The following SBF2 variants were observed in gnomAD, a reference collection of about 807,000 sequenced individuals.
SBF2 encodes myotubularin-related protein 13.
A neutral mutation model predicts 225.2 loss-of-function variants in SBF2; 112 were observed. That is an observed-to-expected ratio of 0.50 (90% CI 0.43 to 0.58). SBF2 has a LOEUF of 0.58. SBF2 is among the 20% of genes least tolerant of loss of function. The probability of loss-of-function intolerance (pLI) is 0.00; values close to 1 mark genes in which losing one functional copy is unlikely to be tolerated. For missense variants in SBF2, 1,996 were observed against 2,206.2 expected (o/e 0.90, Z 1.91); for synonymous variants, 763 against 773.3 (o/e 0.99, Z 0.22).
intron 16 of SBF2, among the ~76,000 whole-genome samples, chr11:9,933,079 T>C (rs1249466019): frequency 6.8e-6 from 1 of 146,668 alleles, no homozygotes; most frequent in Non-Finnish European, 1.5e-5. Flanking sequence ...TACATAATGG[T>C]AAACAGATCA....
At chr11:10,128,250 A>C (rs1953855596) in intron 2 of SBF2, among the ~76,000 whole-genome samples, 1 of 152,208 alleles carries the variant, frequency 6.6e-6, no homozygotes. Context: ...ACCTTCACGA[A>C]GTCAGGCATT....
intron 17 of SBF2, among the ~76,000 whole-genome samples, chr11:9,887,446 T>C (rs532919068): frequency 6.6e-6 from 1 of 151,930 alleles, no homozygotes; most frequent in Middle Eastern, 3.4e-3. Context: ...AGCAGTAGGA[T>C]AGAGGAACAG....
rs539130315 is a variant in SBF2, at chr11:10,075,788, T to C, written c.142-32807A>G. On this transcript the variant is annotated intron_variant, in intron 2 of 39. Coordinates refer to ENST00000256190, the MANE Select transcript of SBF2 (RefSeq NM_030962.4). ...ATTACCGGTCTTGGGTAGTTCTTTATAGCAGTGTGAGAACAGACTAACACA... is the reference window on the plus strand; with the variant it reads ...ATTACCGGTCTTGGGTAGTTCTTTACAGCAGTGTGAGAACAGACTAACACA... 1.6e-4 allele frequency among the ~76,000 whole-genome samples: 24 copies of C among 152,292 alleles called. 1 individual carries two copies. In the South Asian group the frequency reaches 4.1e-3, roughly 26 times the overall value.
At chr11:10,223,316 AC>A (rs1958408102) in intron 1 of SBF2, among the ~76,000 whole-genome samples, 2 of 147,348 alleles carry the variant, frequency 1.4e-5, no homozygotes, top group South Asian at 4.3e-4. Context: ...TCTGCACATA[AC>A]TTTTAACTCT....
At chr11:10,181,384 A>T (rs74845337) in intron 2 of SBF2, among the ~76,000 whole-genome samples, 1 of 151,930 alleles carries the variant, frequency 6.6e-6, no homozygotes, top group Admixed American at 6.6e-5. Context: ...CTTACCTAAA[A>T]CTGTCACTTT....
intron 3 of SBF2, among the ~76,000 whole-genome samples, chr11:10,033,663 A>AACACACACACACACAC (rs66939707): frequency 2.0e-5 from 3 of 149,674 alleles, no homozygotes; most frequent in African/African-American, 4.9e-5. Flanking sequence ...GCTGTGATTA[A>AACACACACACACACAC]ACACACACAC....
At position 9,992,485 on chromosome 11, in the gene SBF2, C is replaced by A. The variant is rs1183650459; in HGVS notation, c.1226G>T (p.Ser409Ile). The change falls in exon 12 of 40, where the codon AGT becomes ATT. Residue 409 changes from serine to isoleucine, a missense_variant. By Grantham distance (142) the Ser-to-Ile change is moderately radical. Coordinates refer to ENST00000256190, the MANE Select transcript of SBF2 (RefSeq NM_030962.4). ...VENDFLTKVL[S>I]GMAFAGFVSE... Reference sequence around the variant, plus strand: ...AACAAAACCTGCAAATGCCATTCCACTGAGTACTTTAGTGAGGAAATCATT... The same window carrying A: ...AACAAAACCTGCAAATGCCATTCCAATGAGTACTTTAGTGAGGAAATCATT... 13 of 1,613,284 alleles carry A rather than the reference C, an allele frequency of 8.1e-6. No homozygotes were observed. Among genetic ancestry groups the A allele is most frequent in the Non-Finnish European group, 9.3e-6 (11 of 1,179,578 alleles).
intron 1 of SBF2, among the ~76,000 whole-genome samples, chr11:10,241,050 C>T (rs1959204416): frequency 6.6e-6 from 1 of 152,070 alleles, no homozygotes; most frequent in Non-Finnish European, 1.5e-5. Flanking sequence ...GCTTGAAATG[C>T]ATATACAAGA....
In SBF2 at chr11:10,289,733, G is replaced by A. The variant is rs551183201; in HGVS notation, c.55+4282C>T. 4.6e-5 allele frequency among the ~76,000 whole-genome samples: 7 copies of A among 152,266 alleles called. No individual in the cohort carries two copies. In the South Asian group the frequency reaches 1.0e-3, roughly 23 times the overall value. On this transcript the variant is annotated intron_variant, in intron 1 of 39. Transcript: ENST00000256190. Reference sequence around the variant, plus strand: ...TCGGCAGGGTGGGTGTGGTGACCACGCTGCTGGCTGGGTCCCTGAAGCAGG... The same window carrying A: ...TCGGCAGGGTGGGTGTGGTGACCACACTGCTGGCTGGGTCCCTGAAGCAGG...
At chr11:9,934,244 C>T (rs922341604) in intron 16 of SBF2, among the ~76,000 whole-genome samples, 3 of 152,122 alleles carry the variant, frequency 2.0e-5, no homozygotes, top group African/African-American at 7.2e-5. Context: ...TACACCCTCC[C>T]AAGACTAAAC....
chr11:10,141,151 T>G (rs1455973919), intron 2 of SBF2, among the ~76,000 whole-genome samples: 2 of 152,138 alleles, frequency 1.3e-5, no homozygotes, highest in African/African-American at 4.8e-5. Context: ...AATAAAAGCA[T>G]AGAACCCATG....
In SBF2 at chr11:9,829,788, T is replaced by C. The variant is rs530238858; in HGVS notation, c.3653-292A>G. ...ACAGGGCTACCCTTCCAAGCACAGA[T>C]TGGGCTTGAAAGCACAGGGCATAGC... is the stretch of plus-strand genomic sequence containing the variant. On this transcript the variant is annotated intron_variant, in intron 27 of 39. Coordinates refer to ENST00000256190, the MANE Select transcript of SBF2 (RefSeq NM_030962.4). 15 of 382,516 alleles carry C rather than the reference T, an allele frequency of 3.9e-5. No individual in the cohort carries two copies. In the East Asian group the frequency reaches 4.1e-4, roughly 10 times the overall value. 23.7% of individuals were successfully genotyped at this position (382,516 alleles called of 1,614,324 possible). A position where few individuals can be genotyped will look rare whatever the true frequency, so the allele number is the denominator to read the frequency against.
chr11:10,035,784 G>C (rs983502163), intron 3 of SBF2, among the ~76,000 whole-genome samples: 1 of 152,172 alleles, frequency 6.6e-6, no homozygotes, highest in Non-Finnish European at 1.5e-5. Context: ...GAGAGGATGT[G>C]GAGAAACAGG....
intron 1 of SBF2, among the ~76,000 whole-genome samples, chr11:10,218,775 T>C (rs1365518868): frequency 6.6e-6 from 1 of 152,194 alleles, no homozygotes; most frequent in Non-Finnish European, 1.5e-5. Flanking sequence ...CCCATGCAAG[T>C]CTGACATCCA....
At chr11:9,882,535 A>C (rs118138700) in intron 17 of SBF2, among the ~76,000 whole-genome samples, 1 of 152,150 alleles carries the variant, frequency 6.6e-6, no homozygotes, top group South Asian at 2.1e-4. Context: ...TCGGCCGGGC[A>C]TGGTGGCTCA....
At chr11:9,979,060 A>T (rs1294670131) in intron 13 of SBF2, among the ~76,000 whole-genome samples, 1 of 152,186 alleles carries the variant, frequency 6.6e-6, no homozygotes, top group African/African-American at 2.4e-5. Context: ...TTCCTATTGG[A>T]GGCGATCCAG....
At chr11:9,865,529 A>C (rs1276728641) in intron 17 of SBF2, among the ~76,000 whole-genome samples, 2 of 150,550 alleles carry the variant, frequency 1.3e-5, no homozygotes, top group Non-Finnish European at 3.0e-5. Context: ...GTCTCTACTA[A>C]AAACATAAAA....
At chr11:9,795,551 G>T (rs1180856103) in intron 33 of SBF2, among the ~76,000 whole-genome samples, 1 of 152,152 alleles carries the variant, frequency 6.6e-6, no homozygotes, top group Non-Finnish European at 1.5e-5. Context: ...GGAAAAACTA[G>T]GAGTCAAATG....
At position 9,911,925 on chromosome 11, in the gene SBF2, T is replaced by C. The variant is rs969293375; in HGVS notation, c.1861-15914A>G. Among the ~76,000 whole-genome samples the C allele has an allele frequency of 2.0e-5, 3 of 152,260 alleles. No homozygotes were observed. The East Asian group carries it at 5.8e-4, about 29-fold the overall frequency. ...TAGGCGTGGAATACGCTAACCAAGC[T>C]TGTCCAACACGCGGCCCACAGGCCA... is the stretch of plus-strand genomic sequence containing the variant. On this transcript the variant is annotated intron_variant, in intron 16 of 39. Coordinates refer to ENST00000256190, the MANE Select transcript of SBF2 (RefSeq NM_030962.4).
Sources: allele counts gnomAD v4.1 joint callset (sites outside exome capture counted in the v4.1 genomes callset), GRCh38; gene constraint gnomAD v4.1.1; transcripts MANE v1.5; gene names NCBI Gene and HGNC (gene_info 2026-07-23, HGNC 2026-07-21).